PCDHGB2: variants seen among roughly 807,000 people sequenced by gnomAD.
PCDHGB2 encodes the protein protocadherin gamma-B2.
PCDHGB2 carries 55 observed loss-of-function variants against 59.3 expected under a neutral mutation model. That is an observed-to-expected ratio of 0.93 (90% CI 0.75 to 1.16). The LOEUF (loss-of-function observed/expected upper bound fraction) is 1.16, where lower values mean the gene tolerates loss of function less well. Ranked by LOEUF, PCDHGB2 falls within the 50% of genes most tolerant of loss-of-function variation. PCDHGB2 has a pLI of 0.00. For missense variants in PCDHGB2, 1,228 were observed against 1,198.5 expected, an observed-to-expected ratio of 1.02 and a Z score of -0.36; for synonymous variants, 516 against 512.0, an observed-to-expected ratio of 1.01 and a Z score of -0.11.
chr5:141,371,255 A>G lies in PCDHGB2; in HGVS notation c.2421+8699A>G, dbSNP rs1442083388. The G allele has an allele frequency of 1.9e-6, 3 of 1,614,036 alleles. 1 individual carries two copies. The South Asian group carries it at 3.3e-5, about 18-fold the overall frequency. On this transcript the variant is annotated intron_variant, in intron 1 of 3. Transcript: ENST00000522605. ...ATGCCTTCATCAATATTGGCAAGGA[A>G]GTGAGACAACTGTTCAAGCTGGACA...
intron 1 of PCDHGB2, chr5:141,412,862 T>A (rs957973834): frequency 7.5e-5 from 18 of 241,156 alleles, no homozygotes; most frequent in African/African-American, 3.4e-4. Context: ...AAAGAATCTA[T>A]GTAAAATATA....
intron 1 of PCDHGB2, chr5:141,418,408 A>G (rs2096253819): frequency 8.1e-6 from 13 of 1,614,032 alleles, no homozygotes; most frequent in Non-Finnish European, 1.1e-5. Flanking sequence ...TGGTGGAGAA[A>G]GACAATCCTG....
chr5:141,422,467 G>A (rs1380910490), intron 1 of PCDHGB2: 1 of 1,613,664 alleles, frequency 6.2e-7, no homozygotes, highest in Non-Finnish European at 8.5e-7. Context: ...GCTGGACAGG[G>A]AGTTGGTCCA....
In PCDHGB2 at chr5:141,361,619, A is replaced by G; in HGVS notation, c.1484A>G (p.Asp495Gly). The change falls in exon 1 of 4, where the codon GAC (aspartate) becomes GGC (glycine). Residue 495 changes from aspartate to glycine, a missense_variant. This residue lies in a region of PCDHGB2 where 781 missense variants were observed against 721.6 expected (regional missense o/e 1.08). Coordinates refer to ENST00000522605, the MANE Select transcript of PCDHGB2 (RefSeq NM_018923.3). ...GQVSYSIVASDLKPREILSYV... is the reference protein window; with the variant it reads ...GQVSYSIVASGLKPREILSYV... ...GTTTCCTACTCCATCGTAGCGAGCG[A>G]CCTGAAGCCGCGGGAGATTTTATCC... 4 of 1,613,920 alleles carry G rather than the reference A, an allele frequency of 2.5e-6. No individual in the cohort carries two copies. Among genetic ancestry groups the G allele is most frequent in the Non-Finnish European group, 3.4e-6 (4 of 1,179,888 alleles).
At chr5:141,421,489 G>T (rs754141447) in intron 1 of PCDHGB2, 9 of 1,614,094 alleles carry the variant, frequency 5.6e-6, no homozygotes, top group Non-Finnish European at 7.6e-6. Context: ...CTTGATCACG[G>T]CAGGCAGGAT....
At chr5:141,465,644 A>G (rs1320011410) in intron 1 of PCDHGB2, among the ~76,000 whole-genome samples, 2 of 152,186 alleles carry the variant, frequency 1.3e-5, no homozygotes, top group African/African-American at 4.8e-5. Context: ...TGCTTTGAAC[A>G]TCCCAAAAAA....
intron 2 of PCDHGB2, among the ~76,000 whole-genome samples, chr5:141,495,720 G>A (rs1048453188): frequency 2.6e-5 from 4 of 152,080 alleles, no homozygotes; most frequent in Non-Finnish European, 5.9e-5. Context: ...GTAACTACAC[G>A]GGACCCTTAG....
chr5:141,417,618 G>A (rs370911891), intron 1 of PCDHGB2: 3 of 654,230 alleles, frequency 4.6e-6, no homozygotes, highest in Non-Finnish European at 7.4e-6. Context: ...CCAGTGCAGA[G>A]CAAGCGCTGA....
At chr5:141,502,356 G>C (rs1443285213) in intron 2 of PCDHGB2, among the ~76,000 whole-genome samples, 4 of 151,838 alleles carry the variant, frequency 2.6e-5, no homozygotes. Flanking sequence ...TAATGACATG[G>C]ATATTTTTAA....
chr5:141,395,391 A>G, intron 1 of PCDHGB2: 2 of 944,730 alleles, frequency 2.1e-6, no homozygotes, highest in Non-Finnish European at 3.1e-6. Flanking sequence ...ATAAAATTGA[A>G]CTCTAATAGT....
intron 1 of PCDHGB2, chr5:141,394,519 C>T: frequency 6.2e-7 from 1 of 1,614,240 alleles, no homozygotes; most frequent in Non-Finnish European, 8.5e-7. Flanking sequence ...GCCCTCCCCA[C>T]AGACGGTTCC....
chr5:141,421,071 A>G (rs1197006989), intron 1 of PCDHGB2: 1 of 608,760 alleles, frequency 1.6e-6, no homozygotes, highest in East Asian at 2.9e-5. Flanking sequence ...GCGGAATGAG[A>G]TGGATACTCA....
intron 1 of PCDHGB2, among the ~76,000 whole-genome samples, chr5:141,464,444 T>C (rs2099084887): frequency 6.6e-6 from 1 of 151,634 alleles, no homozygotes; most frequent in East Asian, 1.9e-4. Context: ...TGTTTGTTGT[T>C]GTTGTTGTTA....
chr5:141,432,178 T>C lies in PCDHGB2; in HGVS notation c.2422-62629T>C. Reference sequence around the variant, plus strand: ...ATCCCAGAGGAGTTTCCCTCGTCTCTGTGACCGCCCACGACCCCGACTGTG... The same window carrying C: ...ATCCCAGAGGAGTTTCCCTCGTCTCCGTGACCGCCCACGACCCCGACTGTG... On this transcript the variant is annotated intron_variant, in intron 1 of 3. Transcript: ENST00000522605. The surrounding 1 kb of genome is among the most constrained non-coding windows in gnomAD (Gnocchi z 6.0). 6.2e-7 allele frequency: 1 copy of C among 1,614,184 alleles called. No individual in the cohort carries two copies. The highest frequency in any genetic ancestry group is 8.5e-7 in the Non-Finnish European group (1 of 1,180,036).
chr5:141,418,273 A>C, intron 1 of PCDHGB2: 1 of 1,614,082 alleles, frequency 6.2e-7, no homozygotes, highest in South Asian at 1.1e-5. Context: ...AAGATGAAAT[A>C]AACTTAGAAA....
intron 1 of PCDHGB2, chr5:141,372,199 C>T: frequency 9.3e-6 from 15 of 1,613,572 alleles, no homozygotes; most frequent in Non-Finnish European, 1.3e-5. Flanking sequence ...GGATACAACG[C>T]CTGGCTGTCC....
At chr5:141,424,198 C>A (rs116187844) in intron 1 of PCDHGB2, 2 of 181,904 alleles carry the variant, frequency 1.1e-5, no homozygotes, top group South Asian at 1.9e-4. Context: ...CACTTATACA[C>A]GTAAGCTTTT....
chr5:141,403,241 G>C, intron 1 of PCDHGB2: 1 of 1,613,956 alleles, frequency 6.2e-7, no homozygotes. Flanking sequence ...GGAGCTCTGT[G>C]CTCAGAGCCC....
At position 141,372,540 on chromosome 5, in the gene PCDHGB2, C is replaced by G. The variant is rs1208837944; in HGVS notation, c.2421+9984C>G. On this transcript the variant is annotated intron_variant, in intron 1 of 3. Transcript: ENST00000522605. Reference sequence around the variant, plus strand: ...GATTCTGGCAATCTCCCTGCGCCTGCGATGCTCCTCCAGACCCGCCACTGA... The same window carrying G: ...GATTCTGGCAATCTCCCTGCGCCTGGGATGCTCCTCCAGACCCGCCACTGA... The G allele has an allele frequency of 1.9e-6, 3 of 1,614,012 alleles. No homozygotes were observed. The highest frequency in any genetic ancestry group is 3.3e-5 in the Admixed American group (2 of 60,026).
Sources: gnomAD v4.1 joint callset for allele counts (sites outside exome capture counted in the v4.1 genomes callset) on GRCh38, gnomAD v4.1.1 for gene constraint, gnomAD v4.1.1 regional missense constraint, Gnocchi (gnomAD v3.1) non-coding constraint, MANE v1.5 for transcripts, NCBI Gene and HGNC (gene_info 2026-07-23, HGNC 2026-07-21) for gene names.